Variants in TLN2 observed in about 807,000 individuals in gnomAD.
The protein encoded by TLN2 is talin 2, also known as talin-2.
TLN2 carries 118 observed loss-of-function variants against 294.7 expected under a neutral mutation model. The observed-to-expected ratio is 0.40, with a 90% CI of 0.34 to 0.47. The LOEUF is 0.47. Ranked by LOEUF, TLN2 falls within the 20% of genes least tolerant of loss-of-function variation. The pLI is 0.84. For synonymous variants in TLN2, 1,431 were observed against 1,304.5 expected, an observed-to-expected ratio of 1.10 and a Z score of -2.09; for missense variants, 3,083 against 3,282.2, an observed-to-expected ratio of 0.94 and a Z score of 1.48.
chr15:62,783,622 C>CA, intron 44 of TLN2, 149 bp from the exon 45 acceptor site: 1 of 1,429,028 alleles, frequency 7.0e-7, no homozygotes, highest in Non-Finnish European at 9.2e-7. Context: ...CATCTAGCCC[C>CA]AAATGCAAGG....
intron 1 of TLN2, among the ~76,000 whole-genome samples, chr15:62,521,846 T>C (rs1268947414): frequency 6.6e-6 from 1 of 152,208 alleles, no homozygotes. Context: ...AAATATATTT[T>C]GGGGTAAAAT....
At chr15:62,734,952 A>G (rs1349883217) in intron 28 of TLN2, among the ~76,000 whole-genome samples, 1 of 152,232 alleles carries the variant, frequency 6.6e-6, no homozygotes, top group Admixed American at 6.5e-5. Context: ...ACTGGTGCCG[A>G]GAGACCTTCC....
chr15:62,521,470 T>C (rs910089651), intron 1 of TLN2, among the ~76,000 whole-genome samples: 6 of 146,060 alleles, frequency 4.1e-5, no homozygotes, highest in Non-Finnish European at 9.1e-5. Flanking sequence ...AGGGAGACAG[T>C]TGGGGGGCAA....
intron 14 of TLN2, among the ~76,000 whole-genome samples, chr15:62,696,477 C>G (rs989231970): frequency 6.6e-6 from 1 of 152,164 alleles, no homozygotes; most frequent in African/African-American, 2.4e-5. Context: ...GAGGCTGAGG[C>G]GGGTGGTTCA....
intron 1 of TLN2, among the ~76,000 whole-genome samples, chr15:62,463,020 G>T (rs1037314210): frequency 6.6e-6 from 1 of 152,168 alleles, no homozygotes; most frequent in South Asian, 2.1e-4. Flanking sequence ...GGCCACGGGG[G>T]TACTTATTCC....
intron 20 of TLN2, among the ~76,000 whole-genome samples, 185 bp from the exon 21 acceptor site, chr15:62,708,317 C>T (rs752874050): frequency 3.3e-5 from 5 of 152,022 alleles, no homozygotes; most frequent in Non-Finnish European, 5.9e-5. Flanking sequence ...AATAGCAGAG[C>T]GTGTGAGACT....
intron 1 of TLN2, among the ~76,000 whole-genome samples, chr15:62,455,187 A>T (rs938527034): frequency 2.4e-5 from 3 of 126,162 alleles, no homozygotes; most frequent in African/African-American, 8.6e-5. Flanking sequence ...TGAGAGTGAT[A>T]CAGAGGCAGT....
At chr15:62,582,683 T>A (rs2045243653) in intron 1 of TLN2, among the ~76,000 whole-genome samples, 1 of 152,006 alleles carries the variant, frequency 6.6e-6, no homozygotes, top group African/African-American at 2.4e-5. Flanking sequence ...GAGCACAGAC[T>A]CCCAGGGCAC....
intron 1 of TLN2, among the ~76,000 whole-genome samples, chr15:62,554,857 G>A (rs2140567416): frequency 6.6e-6 from 1 of 152,302 alleles, no homozygotes; most frequent in African/African-American, 2.4e-5. Flanking sequence ...ACTCTAGCAA[G>A]ATGCCAGGAG....
At chr15:62,562,971 C>CACACACACACACACA (rs2043101164) in intron 1 of TLN2, among the ~76,000 whole-genome samples, 4 of 136,054 alleles carry the variant, frequency 2.9e-5, no homozygotes, top group Non-Finnish European at 3.1e-5. Context: ...CACACACACA[C>CACACACACACACACA]CAGTTTCTTT....
At chr15:62,617,446 C>G (rs1163216922) in intron 2 of TLN2, among the ~76,000 whole-genome samples, 1 of 152,186 alleles carries the variant, frequency 6.6e-6, no homozygotes, top group African/African-American at 2.4e-5. Context: ...CATGGCAAGG[C>G]ACTCACCTAT....
intron 1 of TLN2, among the ~76,000 whole-genome samples, chr15:62,406,176 C>T (rs955052062): frequency 6.6e-6 from 1 of 152,204 alleles, no homozygotes. Flanking sequence ...TAGAAATTTA[C>T]TGTGTCAGTT....
At chr15:62,730,373 G>A (rs1038364049) in intron 28 of TLN2, among the ~76,000 whole-genome samples, 2 of 152,124 alleles carry the variant, frequency 1.3e-5, no homozygotes, top group South Asian at 2.1e-4. Flanking sequence ...TTTCATCTCC[G>A]CAATACAGTC....
At position 62,792,695 on chromosome 15, in the gene TLN2, C is replaced by T; in HGVS notation, c.5791C>T (p.Leu1931=). The change falls in exon 46 of 59, where the codon CTG becomes TTG. Residue 1931 remains leucine, a synonymous_variant. Coordinates refer to ENST00000636159, the MANE Select transcript of TLN2 (RefSeq NM_015059.3). ...GGACCTGGGCCACGGCTGTATCTTC[C>T]TGGTGCAGAAGGCAGGGGCCCTCCA... ...VQDLGHGCIF[L]VQKAGALQVC... The T allele has an allele frequency of 6.2e-7, 1 of 1,614,022 alleles. No homozygotes were observed.
intron 11 of TLN2, among the ~76,000 whole-genome samples, chr15:62,685,262 A>G (rs367568175): frequency 7.2e-5 from 11 of 152,102 alleles, no homozygotes; most frequent in African/African-American, 2.4e-4. Context: ...TTTTTCTACA[A>G]TATGATTTTT....
chr15:62,655,867 A>G lies in TLN2; in HGVS notation c.518-77A>G, dbSNP rs1283182428. ...TCAGAGATACAGAAATCTGCATCAC[A>G]CTGCTCTTTTGGTAAATTCCCTTTA... On this transcript the variant is annotated intron_variant, in intron 7 of 58. Transcript: ENST00000636159. 3.9e-6 allele frequency: 6 copies of G among 1,532,418 alleles called. No homozygotes were observed. The African/African-American group carries it at 8.2e-5, about 21-fold the overall frequency. 94.9% of individuals were successfully genotyped at this position (1,532,418 alleles called of 1,614,324 possible).
intron 12 of TLN2, among the ~76,000 whole-genome samples, chr15:62,689,839 TGGGC>T: frequency 7.5e-6 from 1 of 132,502 alleles, no homozygotes; most frequent in Middle Eastern, 3.9e-3. Context: ...ATTCTTGGTA[TGGGC>T]TTCTTTTTTT....
chr15:62,545,604 G>A (rs945740917), intron 1 of TLN2, among the ~76,000 whole-genome samples: 2 of 151,870 alleles, frequency 1.3e-5, no homozygotes, highest in South Asian at 4.2e-4. Flanking sequence ...GGACAGCAGA[G>A]CTGCAAATCT....
At chr15:62,558,302 A>G (rs771919538) in intron 1 of TLN2, among the ~76,000 whole-genome samples, 25 of 152,276 alleles carry the variant, frequency 1.6e-4, no homozygotes, top group African/African-American at 3.6e-4. Context: ...ATGTGTAGGC[A>G]TGTGTTTGGG....
Sources: allele counts gnomAD v4.1 joint callset (sites outside exome capture counted in the v4.1 genomes callset), GRCh38; gene constraint gnomAD v4.1.1; transcripts MANE v1.5; gene names NCBI Gene and HGNC (gene_info 2026-07-23, HGNC 2026-07-21).